CYTH3: variants seen among roughly 807,000 people sequenced by gnomAD.
The protein encoded by CYTH3 is cytohesin-3.
Under a neutral mutation model 55.1 loss-of-function variants are expected in CYTH3, and 23 were observed. The ratio of observed to expected loss-of-function variants is 0.42; its 90% CI spans 0.30 to 0.59. The LOEUF is 0.59. Among genes scored for constraint, CYTH3 ranks in the 20% least tolerant of loss-of-function variants. CYTH3 has a pLI of 0.20. For synonymous variants in CYTH3, 249 were observed against 194.9 expected (o/e 1.28, Z -2.31); for missense variants, 413 against 524.8 (o/e 0.79, Z 2.08).
rs956928621 is a variant in CYTH3, at chr7:6,170,445, G to A, written c.823+90C>T. ...TTAACGTCTCTGCCTGCGGTGGGGG[G>A]CATTCCTACGATGAGCCTGGGAGGA... On this transcript the variant is annotated intron_variant, in intron 9 of 12. Transcript: ENST00000350796. The surrounding 1 kb of genome is among the most constrained non-coding windows in gnomAD (Gnocchi z 7.8). 58 of 1,174,548 alleles carry A rather than the reference G, an allele frequency of 4.9e-5. No individual in the cohort carries two copies. Among genetic ancestry groups the A allele is most frequent in the Non-Finnish European group, 6.5e-5 (53 of 821,344 alleles). 72.8% of individuals were successfully genotyped at this position (1,174,548 alleles called of 1,614,324 possible). A position where few individuals can be genotyped will look rare whatever the true frequency, so the allele number is the denominator to read the frequency against.
intron 1 of CYTH3, among the ~76,000 whole-genome samples, chr7:6,222,872 C>G (rs1784583759): frequency 6.6e-6 from 1 of 151,902 alleles, no homozygotes; most frequent in South Asian, 2.1e-4. Flanking sequence ...GACAAAACAG[C>G]TAATATGACA....
intron 1 of CYTH3, among the ~76,000 whole-genome samples, chr7:6,230,105 A>G (rs1416651760): frequency 6.6e-6 from 1 of 152,226 alleles, no homozygotes; most frequent in Non-Finnish European, 1.5e-5. Context: ...ACTGCACTCC[A>G]GCCTGGGCGA....
In CYTH3 at chr7:6,187,196, C is replaced by T. The variant is rs1466227920; in HGVS notation, c.183-80G>A. ...AGTCACGGCCCTCCAGTGTACTTTC[C>T]CCCGCAACAACGGGCTCAAGGAAGC... On this transcript the variant is annotated intron_variant, in intron 3 of 12. Transcript: ENST00000350796. The T allele has an allele frequency of 4.1e-6, 6 of 1,461,848 alleles. No individual in the cohort carries two copies. The East Asian group carries it at 6.8e-5, about 17-fold the overall frequency. 90.6% of individuals were successfully genotyped at this position (1,461,848 alleles called of 1,614,324 possible). A position where few individuals can be genotyped will look rare whatever the true frequency, so the allele number is the denominator to read the frequency against.
intron 1 of CYTH3, among the ~76,000 whole-genome samples, chr7:6,231,329 T>C (rs1317688814): frequency 2.0e-5 from 3 of 152,190 alleles, no homozygotes; most frequent in Admixed American, 6.5e-5. Context: ...GAGTGGGGAC[T>C]GGGAGAAGAG....
At chr7:6,197,285 G>C (rs769762378) in intron 1 of CYTH3, among the ~76,000 whole-genome samples, 39 of 152,164 alleles carry the variant, frequency 2.6e-4, no homozygotes, top group Non-Finnish European at 3.8e-4. Context: ...GTGGGACAAA[G>C]ACATGGTGGC....
chr7:6,250,591 C>T (rs931191554), intron 1 of CYTH3, among the ~76,000 whole-genome samples: 3 of 152,156 alleles, frequency 2.0e-5, no homozygotes, highest in Admixed American at 1.3e-4. Flanking sequence ...TGAAAAATGC[C>T]AAACACAGAA....
At chr7:6,242,425 G>A (rs554294296) in intron 1 of CYTH3, among the ~76,000 whole-genome samples, 197 of 145,712 alleles carry the variant, frequency 1.4e-3, no homozygotes, top group African/African-American at 4.9e-3. Context: ...TGCCCAGGCT[G>A]GAGTGCAGTG....
At chr7:6,201,986 A>G (rs1163259215) in intron 1 of CYTH3, among the ~76,000 whole-genome samples, 3 of 152,238 alleles carry the variant, frequency 2.0e-5, no homozygotes, top group African/African-American at 7.2e-5. Flanking sequence ...AAAAATCCAA[A>G]TATACTGATC....
intron 1 of CYTH3, among the ~76,000 whole-genome samples, chr7:6,264,766 T>C (rs766587173): frequency 9.2e-5 from 14 of 152,250 alleles, no homozygotes; most frequent in Non-Finnish European, 1.9e-4. Context: ...AAATATTTAC[T>C]GAAAGGCTAC....
Position 6,170,985 on chromosome 7 carries a change from C to T in CYTH3, c.563-7G>A, listed in dbSNP as rs200809611. ...GACAGCACGTAGCACGTGTCTGCAA[C>T]GAGTCCGGGGTGCTGGGCTCAGCCA... On this transcript the variant is annotated splice_region_variant and splice_polypyrimidine_tract_variant and intron_variant, in intron 7 of 12. Transcript: ENST00000350796. This position sits in a 1 kb window ranked among gnomAD's most constrained non-coding sequence, Gnocchi z 7.8. The T allele has an allele frequency of 3.3e-5, 54 of 1,613,400 alleles. No homozygotes were observed. The highest frequency in any genetic ancestry group is 2.7e-4 in the Admixed American group (16 of 59,994).
intron 4 of CYTH3, among the ~76,000 whole-genome samples, chr7:6,179,748 C>CCCACATCCCCA (rs1783445130): frequency 1.1e-5 from 1 of 91,282 alleles, no homozygotes; most frequent in Non-Finnish European, 1.9e-5. Context: ...CCACACACAC[C>CCCACATCCCCA]CCACACCCCC....
chr7:6,227,078 T>TA (rs397755364), intron 1 of CYTH3, among the ~76,000 whole-genome samples: 23,574 of 112,720 alleles, frequency 0.21, 3,905 homozygotes, highest in African/African-American at 0.48. Context: ...AGACTCTGTC[T>TA]AAAAAAAAAA....
At chr7:6,254,099 G>A (rs967742011) in intron 1 of CYTH3, among the ~76,000 whole-genome samples, 6 of 150,308 alleles carry the variant, frequency 4.0e-5, no homozygotes, top group Admixed American at 1.3e-4. Flanking sequence ...GGAGAATCAC[G>A]TGAACCCGGG....
At chr7:6,253,568 A>C (rs1780026793) in intron 1 of CYTH3, among the ~76,000 whole-genome samples, 2 of 152,062 alleles carry the variant, frequency 1.3e-5, no homozygotes, top group South Asian at 4.2e-4. Flanking sequence ...CTGTAATCCC[A>C]ACACTTTGGG....
intron 1 of CYTH3, among the ~76,000 whole-genome samples, chr7:6,253,726 G>T (rs148196800): frequency 6.6e-6 from 1 of 152,116 alleles, no homozygotes; most frequent in Non-Finnish European, 1.5e-5. Flanking sequence ...TGAGGCAGGA[G>T]AATCACTTGA....
intron 1 of CYTH3, among the ~76,000 whole-genome samples, chr7:6,248,774 A>G (rs996789618): frequency 6.6e-6 from 1 of 152,260 alleles, no homozygotes; most frequent in Non-Finnish European, 1.5e-5. Context: ...CTAAGGAAAC[A>G]GAGTGATGAG....
chr7:6,265,763 C>T (rs920985238), intron 1 of CYTH3, among the ~76,000 whole-genome samples: 3 of 152,060 alleles, frequency 2.0e-5, no homozygotes, highest in Non-Finnish European at 4.4e-5. Flanking sequence ...ACATGACCTG[C>T]GTGTCAAAGG....
intron 11 of CYTH3, 40 bp from the exon 12 acceptor site, chr7:6,165,467 T>TG: frequency 6.2e-7 from 1 of 1,608,780 alleles, no homozygotes; most frequent in East Asian, 2.2e-5. Flanking sequence ...CAGGGGGGCT[T>TG]GGGGCAGGTT....
chr7:6,270,080 T>A (rs1780612950), intron 1 of CYTH3, among the ~76,000 whole-genome samples: 1 of 152,258 alleles, frequency 6.6e-6, no homozygotes, highest in African/African-American at 2.4e-5. Context: ...CAACTTTATT[T>A]TTTTAAACAT....
Sources: allele counts gnomAD v4.1 joint callset (sites outside exome capture counted in the v4.1 genomes callset), GRCh38; gene constraint gnomAD v4.1.1; non-coding constraint Gnocchi (gnomAD v3.1); transcripts MANE v1.5; gene names NCBI Gene and HGNC (gene_info 2026-07-23, HGNC 2026-07-21).